ARFGEF2: variants seen among roughly 807,000 people sequenced by gnomAD.
ARFGEF2 encodes brefeldin A-inhibited guanine nucleotide-exchange protein 2.
ARFGEF2 carries 74 observed loss-of-function variants against 219.9 expected under a neutral mutation model. The ratio of observed to expected loss-of-function variants is 0.34; its 90% CI spans 0.28 to 0.41. The LOEUF (loss-of-function observed/expected upper bound fraction) is 0.41. Ranked by LOEUF, ARFGEF2 falls within the 10% of genes least tolerant of loss-of-function variation. The probability of loss-of-function intolerance (pLI) is 1.00; values close to 1 mark genes in which losing one functional copy is unlikely to be tolerated. For missense variants in ARFGEF2, 1,743 were observed against 2,218.3 expected, an observed-to-expected ratio of 0.79 and a Z score of 4.30; for synonymous variants, 733 against 799.2, an observed-to-expected ratio of 0.92 and a Z score of 1.40.
intron 25 of ARFGEF2, among the ~76,000 whole-genome samples, chr20:49,003,894 T>C (rs1398751038): frequency 6.6e-6 from 1 of 152,192 alleles, no homozygotes; most frequent in African/African-American, 2.4e-5. Flanking sequence ...GTTTTGGAGA[T>C]TGATGATATT....
At chr20:48,958,805 A>G (rs758757396) in intron 6 of ARFGEF2, among the ~76,000 whole-genome samples, 1 of 152,120 alleles carries the variant, frequency 6.6e-6, no homozygotes, top group African/African-American at 2.4e-5. Flanking sequence ...CTTGACAGAC[A>G]TGTTACTTTC....
chr20:49,014,245 G>A (rs1356879454), intron 30 of ARFGEF2, among the ~76,000 whole-genome samples: 6 of 151,940 alleles, frequency 3.9e-5, no homozygotes, highest in South Asian at 2.1e-4. Context: ...CTGACTGGTC[G>A]TTGTAGTTGT....
In ARFGEF2 at chr20:49,017,390, A is replaced by G. The variant is rs368312883; in HGVS notation, c.4454+3A>G. On this transcript the variant is annotated splice_donor_region_variant and intron_variant, in intron 32 of 38. Coordinates refer to ENST00000371917, the MANE Select transcript of ARFGEF2 (RefSeq NM_006420.3). ...TTCAAAACAACCATCCCACATGTGT[A>G]AGTGTTCATGCAGTTGTTCCCGTTT... 2 of 1,613,948 alleles carry G rather than the reference A, an allele frequency of 1.2e-6. No homozygotes were observed. Among genetic ancestry groups the G allele is most frequent in the Non-Finnish European group, 1.7e-6 (2 of 1,180,000 alleles).
At chr20:48,970,706 C>A (rs564837295) in intron 9 of ARFGEF2, among the ~76,000 whole-genome samples, 11 of 152,158 alleles carry the variant, frequency 7.2e-5, no homozygotes, top group Non-Finnish European at 1.6e-4. Context: ...TGAACTCCGG[C>A]ATGGGCAGTG....
At chr20:49,019,097 C>T (rs2091548648) in intron 34 of ARFGEF2, 99 bp downstream of exon 34, 20 of 999,716 alleles carry the variant, frequency 2.0e-5, no homozygotes, top group Non-Finnish European at 2.9e-5. Flanking sequence ...CCTTCTTCTG[C>T]CCTGTGCCTC....
chr20:48,977,815 G>T (rs960800662), intron 14 of ARFGEF2, among the ~76,000 whole-genome samples: 2 of 152,138 alleles, frequency 1.3e-5, no homozygotes, highest in African/African-American at 2.4e-5. Flanking sequence ...CCCACTTTTT[G>T]ATGGGGTTGC....
At chr20:48,945,942 A>G (rs2091023642) in intron 3 of ARFGEF2, among the ~76,000 whole-genome samples, 1 of 152,210 alleles carries the variant, frequency 6.6e-6, no homozygotes, top group Non-Finnish European at 1.5e-5. Context: ...TAATAGGTAC[A>G]CTAGGATTTC....
chr20:49,033,080 C>T lies in ARFGEF2; in HGVS notation c.5239C>T (p.Leu1747=). The T allele has an allele frequency of 6.2e-7, 1 of 1,614,106 alleles. No individual in the cohort carries two copies. Among genetic ancestry groups the T allele is most frequent in the Admixed American group, 1.7e-5 (1 of 59,998 alleles). Residue 1747 remains leucine (L), a synonymous_variant, in exon 39 of 39, where the codon CTG becomes TTG. Transcript: ENST00000371917. ...PYLCEIMQFD[L]IPELRAVLRK... is the part of the protein sequence containing the mutation. ...CTTGTGTGAAATTATGCAGTTTGACCTGATCCCTGAGCTCCGAGCAGTTCT... is the reference window on the plus strand; with the variant it reads ...CTTGTGTGAAATTATGCAGTTTGACTTGATCCCTGAGCTCCGAGCAGTTCT...
intron 27 of ARFGEF2, among the ~76,000 whole-genome samples, chr20:49,011,509 G>A (rs1025125266): frequency 6.6e-6 from 1 of 152,180 alleles, no homozygotes; most frequent in Non-Finnish European, 1.5e-5. Context: ...TTGCACTCGG[G>A]CAGTCGAGCC....
Position 48,971,126 on chromosome 20 carries a change from T to C in ARFGEF2, c.1197T>C (p.His399=). 1.2e-6 allele frequency: 2 copies of C among 1,612,620 alleles called. No homozygotes were observed. Among genetic ancestry groups the C allele is most frequent in the Middle Eastern group, 1.6e-4 (1 of 6,062 alleles). The change falls in exon 10 of 39, where the codon CAT becomes CAC. Residue 399 remains histidine (H), a synonymous_variant. Transcript: ENST00000371917. ...TTTTCATTTTCTTTGCCAGATCCCA[T>C]GAGCTGCGTTCCAAGGTGGTTTCCC... ...LGEGPPDPKS[H]ELRSKVVSLQ...
rs71337478 is a variant in ARFGEF2 at position 48,963,175 on chromosome 20, C to CAAAAAAAAAAAAAAAAAA, written c.839-641_839-640insAAAAAAAAAAAAAAAAAA. Among the ~76,000 whole-genome samples the CAAAAAAAAAAAAAAAAAA allele has an allele frequency of 1.4e-3, 156 of 110,760 alleles. 15 individuals are homozygous for CAAAAAAAAAAAAAAAAAA. The highest frequency in any genetic ancestry group is 6.0e-3 in the African/African-American group (143 of 24,010). The allele number at this position is 110,760 out of a possible 152,430, so 72.7% of individuals were successfully genotyped here. ...TGGGCAAGACAGCAAAACTCTGTCT[C>CAAAAAAAAAAAAAAAAAA]AAAAAAAAAAAAAAGTAATGTTTAC... On this transcript the variant is annotated intron_variant, in intron 6 of 38. Coordinates refer to ENST00000371917, the MANE Select transcript of ARFGEF2 (RefSeq NM_006420.3).
chr20:49,006,435 A>C (rs1159848348), intron 26 of ARFGEF2, among the ~76,000 whole-genome samples: 1 of 152,224 alleles, frequency 6.6e-6, no homozygotes, highest in Non-Finnish European at 1.5e-5. Context: ...TTCCATAATA[A>C]AATTTAAAAA....
At chr20:49,025,196 G>A (rs2091594218) in intron 35 of ARFGEF2, 117 bp from the exon 36 acceptor site, 2 of 1,032,680 alleles carry the variant, frequency 1.9e-6, no homozygotes, top group Non-Finnish European at 1.5e-6. Context: ...GGGAATAAGT[G>A]TGTCTTATAG....
chr20:49,018,533 G>T (rs923000939), intron 33 of ARFGEF2, among the ~76,000 whole-genome samples: 22 of 152,154 alleles, frequency 1.4e-4, no homozygotes, highest in African/African-American at 5.3e-4. Context: ...ACTGTGCCTG[G>T]CCTGTTGTCA....
At chr20:48,973,094 C>T in intron 11 of ARFGEF2, 51 bp from the exon 12 acceptor site, 8 of 1,609,956 alleles carry the variant, frequency 5.0e-6, no homozygotes, top group Non-Finnish European at 6.8e-6. Context: ...GATAAGAAAA[C>T]CTAACTGCTA....
At position 49,022,968 on chromosome 20, in the gene ARFGEF2, C is replaced by T. The variant is rs575856113; in HGVS notation, c.4625-83C>T. ...CATCTCTTAAAAAAATAAATCATGC[C>T]TTGCACATAGTAGGAGCTCAGTGGA... On this transcript the variant is annotated intron_variant, in intron 34 of 38. Coordinates refer to ENST00000371917, the MANE Select transcript of ARFGEF2 (RefSeq NM_006420.3). 6.3e-6 allele frequency: 10 copies of T among 1,575,746 alleles called. No individual in the cohort carries two copies. In the Admixed American group the frequency reaches 1.3e-4, roughly 21 times the overall value.
In ARFGEF2 at chr20:49,034,905, T is replaced by C. The variant is rs2091657485; in HGVS notation, c.*1706T>C. On this transcript the variant is annotated 3_prime_UTR_variant, in exon 39 of 39. Coordinates refer to ENST00000371917, the MANE Select transcript of ARFGEF2 (RefSeq NM_006420.3). ...GAAAAAATGAGCAGGTTTAGGTTTT[T>C]ACATGACTTATATACATTAGATAAA... The C allele has an allele frequency of 6.6e-6, 1 of 152,236 alleles. No individual in the cohort carries two copies. The highest frequency in any genetic ancestry group is 6.5e-5 in the Admixed American group (1 of 15,276). The allele number at this position is 152,236 out of a possible 1,614,324, so 9.4% of individuals were successfully genotyped here.
chr20:48,959,970 CTG>C (rs944797432), intron 6 of ARFGEF2, among the ~76,000 whole-genome samples: 8 of 152,134 alleles, frequency 5.3e-5, no homozygotes, highest in African/African-American at 1.9e-4. Context: ...TGTATGAAAA[CTG>C]TTATTTTGTG....
chr20:48,955,201 G>T (rs1212667897), intron 6 of ARFGEF2, among the ~76,000 whole-genome samples: 1 of 152,026 alleles, frequency 6.6e-6, no homozygotes, highest in African/African-American at 2.4e-5. Context: ...TTGCTACACA[G>T]TGCACAGGTG....
Sources: gnomAD v4.1 joint callset for allele counts (sites outside exome capture counted in the v4.1 genomes callset) on GRCh38, gnomAD v4.1.1 for gene constraint, MANE v1.5 for transcripts, NCBI Gene and HGNC (gene_info 2026-07-23, HGNC 2026-07-21) for gene names.